The following CPNE4 variants were observed in gnomAD, a reference collection of about 807,000 sequenced individuals.
CPNE4 encodes copine-4.
Under a neutral mutation model 67.9 loss-of-function variants are expected in CPNE4, and 25 were observed. That is an observed-to-expected ratio of 0.37 (90% CI 0.27 to 0.51). The LOEUF is 0.51. Among genes scored for constraint, CPNE4 ranks in the 20% least tolerant of loss-of-function variants. The pLI is 0.93. For missense variants in CPNE4, 464 were observed against 690.8 expected (o/e 0.67, Z 3.68); for synonymous variants, 242 against 244.9 (o/e 0.99, Z 0.11).
At chr3:131,771,899 T>G (rs529342952) in intron 2 of CPNE4, among the ~76,000 whole-genome samples, 3 of 152,234 alleles carry the variant, frequency 2.0e-5, no homozygotes, top group South Asian at 2.1e-4. Flanking sequence ...TTTTAATTTT[T>G]TTTGTTTGTT....
At chr3:131,618,557 G>T (rs942809097) in intron 7 of CPNE4, among the ~76,000 whole-genome samples, 2 of 152,124 alleles carry the variant, frequency 1.3e-5, no homozygotes, top group South Asian at 4.1e-4. Flanking sequence ...CAGTATCGGG[G>T]CTTTCTTGCA....
chr3:131,642,350 C>G lies in CPNE4; in HGVS notation c.681+27325G>C, dbSNP rs2079561693. On this transcript the variant is annotated intron_variant, in intron 7 of 15. Transcript: ENST00000429747. ...AATACCTGCCTGCCTCTGGCAGCAT[C>G]TCCCCTAAACTTTGTGCTCTTTTTT... Among the ~76,000 whole-genome samples the G allele has an allele frequency of 2.0e-5, 3 of 152,072 alleles. No homozygotes were observed. The South Asian group carries it at 6.2e-4, about 32-fold the overall frequency.
chr3:131,840,277 T>C (rs1348142990), intron 2 of CPNE4, among the ~76,000 whole-genome samples: 2 of 149,766 alleles, frequency 1.3e-5, no homozygotes, highest in South Asian at 2.1e-4. Context: ...GAATTTCCTC[T>C]GCAGTGAGCC....
intron 2 of CPNE4, among the ~76,000 whole-genome samples, chr3:131,862,848 T>TCC: frequency 6.6e-6 from 1 of 152,122 alleles, no homozygotes; most frequent in South Asian, 2.1e-4. Context: ...CCTAATGCTA[T>TCC]CCCTCCCCCA....
chr3:131,970,872 G>C (rs943366236), intron 1 of CPNE4, among the ~76,000 whole-genome samples: 1 of 152,214 alleles, frequency 6.6e-6, no homozygotes. Context: ...GAGGGTAGCA[G>C]CATTTCCCAA....
chr3:131,860,388 A>G (rs2086626568), intron 2 of CPNE4, among the ~76,000 whole-genome samples: 1 of 152,164 alleles, frequency 6.6e-6, no homozygotes, highest in African/African-American at 2.4e-5. Flanking sequence ...AAACTAATTG[A>G]GCTCATTTTA....
intron 2 of CPNE4, among the ~76,000 whole-genome samples, chr3:131,812,192 A>C (rs1388961133): frequency 1.3e-5 from 2 of 149,302 alleles, no homozygotes; most frequent in African/African-American, 4.9e-5. Context: ...GGAATAGAGA[A>C]GGTGGAAATA....
At chr3:131,828,655 G>A (rs1292099117) in intron 2 of CPNE4, among the ~76,000 whole-genome samples, 2 of 152,150 alleles carry the variant, frequency 1.3e-5, no homozygotes, top group Non-Finnish European at 2.9e-5. Flanking sequence ...TTTAGAAGGG[G>A]AACTGTTGAG....
At chr3:131,692,186 T>C (rs1005748301) in intron 5 of CPNE4, among the ~76,000 whole-genome samples, 1 of 152,164 alleles carries the variant, frequency 6.6e-6, no homozygotes, top group African/African-American at 2.4e-5. Flanking sequence ...ATATTGGACC[T>C]AGAAGAAATT....
intron 3 of CPNE4, among the ~76,000 whole-genome samples, chr3:131,711,503 G>T (rs1359572756): frequency 6.6e-6 from 1 of 152,176 alleles, no homozygotes; most frequent in Non-Finnish European, 1.5e-5. Context: ...AGATGCTGAA[G>T]AAGAGTGAGG....
chr3:132,033,779 G>A (rs972266466), intron 1 of CPNE4, among the ~76,000 whole-genome samples: 1 of 152,198 alleles, frequency 6.6e-6, no homozygotes, highest in African/African-American at 2.4e-5. Flanking sequence ...ATCAGCACTC[G>A]CTTGACTTGG....
intron 2 of CPNE4, among the ~76,000 whole-genome samples, chr3:131,856,596 A>G (rs1365005789): frequency 6.6e-6 from 1 of 152,040 alleles, no homozygotes; most frequent in Non-Finnish European, 1.5e-5. Context: ...AAGAGAATAG[A>G]ACACACATGT....
At chr3:131,606,147 G>A (rs1425587036) in intron 7 of CPNE4, among the ~76,000 whole-genome samples, 1 of 152,142 alleles carries the variant, frequency 6.6e-6, no homozygotes, top group East Asian at 1.9e-4. Flanking sequence ...CATTTGTATA[G>A]CTTAATCAGT....
intron 2 of CPNE4, among the ~76,000 whole-genome samples, chr3:131,850,856 AGTGGG>A (rs1338784994): frequency 6.6e-6 from 1 of 152,114 alleles, no homozygotes; most frequent in Admixed American, 6.6e-5. Context: ...TAAGTAACAG[AGTGGG>A]AATTCAAACC....
At chr3:131,600,968 T>C (rs1161628129) in intron 7 of CPNE4, among the ~76,000 whole-genome samples, 1 of 152,206 alleles carries the variant, frequency 6.6e-6, no homozygotes, top group Non-Finnish European at 1.5e-5. Context: ...ATGCACTACA[T>C]TTTCATTAAT....
chr3:131,985,188 A>G (rs974462737), intron 1 of CPNE4, among the ~76,000 whole-genome samples: 2 of 152,182 alleles, frequency 1.3e-5, no homozygotes, highest in African/African-American at 4.8e-5. Context: ...AAGGGCACTA[A>G]TCCCATTCAT....
At chr3:132,036,434 G>A (rs1410181142), upstream of CPNE4, among the ~76,000 whole-genome samples, 1 of 152,232 alleles carries the variant, frequency 6.6e-6, no homozygotes, top group Non-Finnish European at 1.5e-5. Context: ...GTGAGACACA[G>A]GGACAATTCT....
At chr3:131,705,843 G>C (rs2081402219) in intron 3 of CPNE4, among the ~76,000 whole-genome samples, 1 of 152,176 alleles carries the variant, frequency 6.6e-6, no homozygotes, top group African/African-American at 2.4e-5. Context: ...GAGTTTTAAG[G>C]ACTGCTTGTG....
At position 131,914,976 on chromosome 3, in the gene CPNE4, C is replaced by CAAAAT. The variant is rs570490717; in HGVS notation, c.-1-9537_-1-9533dup. 3.9e-3 allele frequency among the ~76,000 whole-genome samples: 600 copies of CAAAAT among 152,166 alleles called. 5 individuals carry two copies. The highest frequency in any genetic ancestry group is 0.012 in the African/African-American group (505 of 41,508). Reference sequence around the variant, plus strand: ...AGGCAACAAGAGTGAAATTCTGTCTCAAAATAAAATAAAATAAAATAAAAA... The same window carrying CAAAAT: ...AGGCAACAAGAGTGAAATTCTGTCTCAAAATAAAATAAAATAAAATAAAATAAAAA... On this transcript the variant is annotated intron_variant, in intron 1 of 15. Transcript: ENST00000429747.
Sources: gnomAD v4.1 joint callset for allele counts (sites outside exome capture counted in the v4.1 genomes callset) on GRCh38, gnomAD v4.1.1 for gene constraint, MANE v1.5 for transcripts, NCBI Gene and HGNC (gene_info 2026-07-23, HGNC 2026-07-21) for gene names.